The following CPE variants were observed in gnomAD, a reference collection of about 807,000 sequenced individuals.
CPE encodes the protein carbocypeptidase E.
In CPE, 17 loss-of-function variants were observed where a neutral mutation model predicts 53.5. The observed-to-expected ratio is 0.32, with a 90% CI of 0.22 to 0.48. CPE has a LOEUF of 0.48. Among genes scored for constraint, CPE ranks in the 20% least tolerant of loss-of-function variants. The probability of loss-of-function intolerance (pLI) is 0.99; values close to 1 mark genes in which losing one functional copy is unlikely to be tolerated. For synonymous variants in CPE, 226 were observed against 228.8 expected (o/e 0.99, Z 0.11); for missense variants, 524 against 614.7 (o/e 0.85, Z 1.56).
At chr4:165,405,171 C>A in intron 1 of CPE, 1 of 775,146 alleles carries the variant, frequency 1.3e-6, no homozygotes. Context: ...TGTCCTCAGC[C>A]TAACCCAGTG....
chr4:165,457,749 G>A lies in CPE; in HGVS notation c.308-6641G>A, dbSNP rs749540981. ...AATTTCACTCTGAAGGAAGAAGCAA[G>A]AAGAGAGAATATAATGCTGTCATTT... is the stretch of plus-strand genomic sequence containing the variant. On this transcript the variant is annotated intron_variant, in intron 1 of 8. Transcript: ENST00000402744. Among the ~76,000 whole-genome samples, 30 of 152,328 alleles carry A rather than the reference G, an allele frequency of 2.0e-4. No homozygotes were observed. The Middle Eastern group carries it at 0.014, about 69-fold the overall frequency.
At position 165,379,384 on chromosome 4, in the gene CPE, C is replaced by A. The variant is rs1219645806; in HGVS notation, c.163C>A (p.Arg55Ser). ...GGACGGCATCTCCTTCGAGTACCAC[C>A]GCTACCCCGAGCTGCGCGAGGCGCT... ...QEDGISFEYH[R>S]YPELREALVS... is the part of the protein sequence containing the mutation. The change falls in exon 1 of 9, where the codon CGC becomes AGC. Residue 55 changes from arginine to serine, a missense_variant. Transcript: ENST00000402744. The surrounding 1 kb of genome is among the most constrained non-coding windows in gnomAD (Gnocchi z 6.0). 9 of 1,608,166 alleles carry A rather than the reference C, an allele frequency of 5.6e-6. No homozygotes were observed. The highest frequency in any genetic ancestry group is 7.6e-6 in the Non-Finnish European group (9 of 1,178,456).
At chr4:165,403,952 G>C in intron 1 of CPE, 1 of 564,984 alleles carries the variant, frequency 1.8e-6, no homozygotes, top group African/African-American at 1.9e-5. Context: ...ACCCAATGCC[G>C]GAGTTTGTCT....
At chr4:165,481,803 T>A (rs1218650554) in intron 3 of CPE, among the ~76,000 whole-genome samples, 1 of 152,100 alleles carries the variant, frequency 6.6e-6, no homozygotes, top group Non-Finnish European at 1.5e-5. Context: ...GGAAATAAAC[T>A]TTACCACATG....
chr4:165,433,420 A>G lies in CPE; in HGVS notation c.308-30970A>G, dbSNP rs1731444839. 2.6e-5 allele frequency among the ~76,000 whole-genome samples: 4 copies of G among 152,184 alleles called. No homozygotes were observed. The South Asian group carries it at 8.3e-4, about 32-fold the overall frequency. On this transcript the variant is annotated intron_variant, in intron 1 of 8. Transcript: ENST00000402744. ...GCTCAAGGCAGGAACTTAGTCCAAA[A>G]TAATGGCCTCCTATAGTGATTACTG... is the stretch of plus-strand genomic sequence containing the variant.
At chr4:165,381,448 A>C in intron 1 of CPE, 1 of 379,508 alleles carries the variant, frequency 2.6e-6, no homozygotes, top group South Asian at 1.9e-5. Context: ...GTGTATTAAA[A>C]TAAAATGTTT....
chr4:165,484,218 A>G (rs1052088974), intron 4 of CPE, among the ~76,000 whole-genome samples: 6 of 152,114 alleles, frequency 3.9e-5, no homozygotes, highest in African/African-American at 1.4e-4. Context: ...CCCAATTTCT[A>G]CTTTGTAGTA....
chr4:165,415,021 T>A (rs1731099780), intron 1 of CPE: 1 of 157,178 alleles, frequency 6.4e-6, no homozygotes, highest in South Asian at 2.1e-4. Flanking sequence ...ATGAATATGT[T>A]TGAACAGGGC....
chr4:165,476,476 G>T (rs780164257), intron 3 of CPE, among the ~76,000 whole-genome samples: 1 of 148,662 alleles, frequency 6.7e-6, no homozygotes, highest in Non-Finnish European at 1.5e-5. Flanking sequence ...TCATATACCA[G>T]TTAAACTCTG....
chr4:165,476,162 A>G (rs1176436920), intron 3 of CPE, among the ~76,000 whole-genome samples: 1 of 152,190 alleles, frequency 6.6e-6, no homozygotes, highest in Non-Finnish European at 1.5e-5. Flanking sequence ...GTGAAAGTGT[A>G]TTAAAAAGCT....
intron 1 of CPE, among the ~76,000 whole-genome samples, chr4:165,399,116 T>C (rs1730827804): frequency 6.6e-6 from 1 of 152,208 alleles, no homozygotes; most frequent in Non-Finnish European, 1.5e-5. Context: ...GCCTAAAAAT[T>C]AATCTACTTG....
At chr4:165,435,266 T>C (rs752943427) in intron 1 of CPE, among the ~76,000 whole-genome samples, 1 of 152,160 alleles carries the variant, frequency 6.6e-6, no homozygotes, top group Non-Finnish European at 1.5e-5. Flanking sequence ...TTATACAGCC[T>C]CAATGAAATG....
intron 1 of CPE, among the ~76,000 whole-genome samples, chr4:165,462,817 A>G (rs1732032950): frequency 6.6e-6 from 1 of 152,196 alleles, no homozygotes; most frequent in African/African-American, 2.4e-5. Flanking sequence ...GATTAAGATT[A>G]GCATAAGCTC....
In CPE at chr4:165,482,331, C is replaced by T; in HGVS notation, c.762C>T (p.Ala254=). 6.2e-7 allele frequency: 1 copy of T among 1,613,366 alleles called. No individual in the cohort carries two copies. The highest frequency in any genetic ancestry group is 1.1e-5 in the South Asian group (1 of 91,052). ...SANLHGGDLV[A]NYPYDETRSG... ...ATCTCCATGGAGGAGACCTTGTGGC[C>T]AATTATCCATATGATGAGACGCGGA... is the stretch of plus-strand genomic sequence containing the variant. Residue 254 remains alanine (A), a synonymous_variant, in exon 4 of 9, where the codon GCC becomes GCT. Coordinates refer to ENST00000402744, the MANE Select transcript of CPE (RefSeq NM_001873.4).
chr4:165,440,992 T>C (rs572270902), intron 1 of CPE, among the ~76,000 whole-genome samples: 9 of 152,140 alleles, frequency 5.9e-5, no homozygotes, highest in Non-Finnish European at 1.0e-4. Flanking sequence ...CAGATGTCAC[T>C]GGGTGGCAAA....
rs28607146 is a variant in CPE, at chr4:165,496,462, A to C, written c.1332+785A>C. ...ATTTGGGTAACTGAAACCTGGAAAAAATGGCCCTGGGAACAAGTTGTAAAG... is the reference window on the plus strand; with the variant it reads ...ATTTGGGTAACTGAAACCTGGAAAACATGGCCCTGGGAACAAGTTGTAAAG... On this transcript the variant is annotated intron_variant, in intron 8 of 8. Coordinates refer to ENST00000402744, the MANE Select transcript of CPE (RefSeq NM_001873.4). 5.0e-3 allele frequency among the ~76,000 whole-genome samples: 759 copies of C among 152,306 alleles called. 7 individuals are homozygous for C. Among genetic ancestry groups the C allele is most frequent in the African/African-American group, 0.018 (732 of 41,560 alleles).
At chr4:165,396,366 AG>A (rs1730766564) in intron 1 of CPE, among the ~76,000 whole-genome samples, 1 of 152,190 alleles carries the variant, frequency 6.6e-6, no homozygotes, top group South Asian at 2.1e-4. Context: ...TCAGGTAAGA[AG>A]TTAAGATAGG....
intron 1 of CPE, among the ~76,000 whole-genome samples, chr4:165,442,818 G>A (rs1006179400): frequency 9.2e-5 from 14 of 152,094 alleles, no homozygotes; most frequent in African/African-American, 2.9e-4. Flanking sequence ...CCTTTCATGC[G>A]TTCCTAGTTC....
intron 6 of CPE, among the ~76,000 whole-genome samples, chr4:165,491,277 T>C (rs1302033591): frequency 2.6e-5 from 4 of 152,234 alleles, no homozygotes; most frequent in African/African-American, 9.6e-5. Context: ...TACTTTACAA[T>C]GATGTGGGAA....
Sources: allele counts gnomAD v4.1 joint callset (sites outside exome capture counted in the v4.1 genomes callset), GRCh38; gene constraint gnomAD v4.1.1; non-coding constraint Gnocchi (gnomAD v3.1); transcripts MANE v1.5; gene names NCBI Gene and HGNC (gene_info 2026-07-23, HGNC 2026-07-21).